DPYD: variants seen among roughly 807,000 people sequenced by gnomAD.
DPYD encodes dihydropyrimidine dehydrogenase, also known as dihydropyrimidine dehydrogenase [NADP(+)].
In DPYD, 109 loss-of-function variants were observed where a neutral mutation model predicts 116.2. That is an observed-to-expected ratio of 0.94 (90% CI 0.80 to 1.10). The LOEUF is 1.10. Among genes scored for constraint, DPYD ranks in the 50% least tolerant of loss-of-function variants. The pLI is 0.00. For missense variants in DPYD, 1,302 were observed against 1,254.5 expected, an observed-to-expected ratio of 1.04 and a Z score of -0.57; for synonymous variants, 440 against 432.0, an observed-to-expected ratio of 1.02 and a Z score of -0.23.
chr1:97,574,278 AT>A (rs1653118579), intron 10 of DPYD, among the ~76,000 whole-genome samples: 1 of 152,076 alleles, frequency 6.6e-6, no homozygotes, highest in South Asian at 2.1e-4. Context: ...GTAGCCTATT[AT>A]TTTTATGTTT....
intron 12 of DPYD, among the ~76,000 whole-genome samples, chr1:97,524,415 CTT>C (rs1648904757): frequency 6.6e-6 from 1 of 152,090 alleles, no homozygotes; most frequent in African/African-American, 2.4e-5. Flanking sequence ...AATTCCATGA[CTT>C]TGTGATTATT....
At chr1:97,106,979 A>C (rs1210166815) in intron 20 of DPYD, among the ~76,000 whole-genome samples, 1 of 152,100 alleles carries the variant, frequency 6.6e-6, no homozygotes, top group Non-Finnish European at 1.5e-5. Flanking sequence ...TAATATGTTA[A>C]ATTGGCTCTG....
At chr1:97,528,522 C>G (rs1649323659) in intron 12 of DPYD, among the ~76,000 whole-genome samples, 1 of 152,108 alleles carries the variant, frequency 6.6e-6, no homozygotes. Flanking sequence ...CTTTCTCCAT[C>G]TAAACTCTAC....
intron 18 of DPYD, chr1:97,295,407 C>G (rs936230679): frequency 6.6e-6 from 1 of 151,664 alleles, no homozygotes; most frequent in African/African-American, 2.4e-5. Flanking sequence ...CACATATTAA[C>G]TTAAATACTG....
intron 13 of DPYD, among the ~76,000 whole-genome samples, chr1:97,500,760 G>GA (rs1240681535): frequency 6.6e-6 from 1 of 151,996 alleles, no homozygotes; most frequent in South Asian, 2.1e-4. Flanking sequence ...CTGCAGAACT[G>GA]AAACAAAACC....
intron 3 of DPYD, among the ~76,000 whole-genome samples, chr1:97,765,294 T>C (rs1478665444): frequency 6.6e-6 from 1 of 152,230 alleles, no homozygotes; most frequent in Non-Finnish European, 1.5e-5. Context: ...TCTAATCCAT[T>C]TATCAACAAA....
intron 3 of DPYD, among the ~76,000 whole-genome samples, chr1:97,752,410 T>C (rs992377407): frequency 2.6e-5 from 4 of 152,014 alleles, no homozygotes; most frequent in Non-Finnish European, 4.4e-5. Context: ...TTACGCCAAG[T>C]GAAAGGATAA....
At chr1:97,432,391 C>T (rs1445304886) in intron 14 of DPYD, among the ~76,000 whole-genome samples, 1 of 152,106 alleles carries the variant, frequency 6.6e-6, no homozygotes, top group Non-Finnish European at 1.5e-5. Flanking sequence ...ATGAATTCTT[C>T]ATTTCTCATA....
At chr1:97,631,627 A>C (rs1365700600) in intron 8 of DPYD, among the ~76,000 whole-genome samples, 1 of 152,110 alleles carries the variant, frequency 6.6e-6, no homozygotes. Context: ...TCATATATAA[A>C]AATATATATG....
At chr1:97,130,208 T>A (rs1340057217) in intron 20 of DPYD, among the ~76,000 whole-genome samples, 1 of 152,204 alleles carries the variant, frequency 6.6e-6, no homozygotes, top group Non-Finnish European at 1.5e-5. Flanking sequence ...TCTTTAGAGA[T>A]CTGGTTAGCT....
intron 10 of DPYD, among the ~76,000 whole-genome samples, chr1:97,581,358 G>A (rs936909627): frequency 6.9e-5 from 9 of 130,104 alleles, no homozygotes; most frequent in African/African-American, 2.5e-4. Context: ...AAAAAAAATT[G>A]GCCAAGTTAG....
intron 2 of DPYD, among the ~76,000 whole-genome samples, chr1:97,876,872 C>T (rs1358595025): frequency 6.6e-6 from 1 of 151,914 alleles, no homozygotes; most frequent in Non-Finnish European, 1.5e-5. Flanking sequence ...TTAAAAGTAA[C>T]TTTTTTCCTC....
At chr1:97,714,650 A>G (rs894212752) in intron 5 of DPYD, among the ~76,000 whole-genome samples, 1 of 149,326 alleles carries the variant, frequency 6.7e-6, no homozygotes, top group Non-Finnish European at 1.5e-5. Context: ...TTAAAAAAGA[A>G]AAGACAAAAA....
At chr1:97,799,376 A>G (rs1037353590) in intron 3 of DPYD, among the ~76,000 whole-genome samples, 1 of 152,012 alleles carries the variant, frequency 6.6e-6, no homozygotes, top group African/African-American at 2.4e-5. Flanking sequence ...TGTATGATCA[A>G]TCAGCAAGTT....
rs565268637 is a variant in DPYD, at chr1:97,816,228, A to G, written c.233+11886T>C. 4.0e-5 allele frequency among the ~76,000 whole-genome samples: 6 copies of G among 151,690 alleles called. No homozygotes were observed. In the South Asian group the frequency reaches 1.0e-3, roughly 26 times the overall value. The stretch of plus-strand genomic sequence containing the variant: ...AGCTGGGACTACAGGTGCCAAACAC[A>G]TTTTTTAAATGGAGCTTAGAATATC... On this transcript the variant is annotated intron_variant, in intron 3 of 22. Coordinates refer to ENST00000370192, the MANE Select transcript of DPYD (RefSeq NM_000110.4).
At chr1:97,124,592 T>A (rs1652692546) in intron 20 of DPYD, among the ~76,000 whole-genome samples, 1 of 152,150 alleles carries the variant, frequency 6.6e-6, no homozygotes. Context: ...TGAAAGAATA[T>A]AGACTCCATT....
At chr1:97,766,610 A>G (rs1036861266) in intron 3 of DPYD, among the ~76,000 whole-genome samples, 2 of 152,208 alleles carry the variant, frequency 1.3e-5, no homozygotes, top group Admixed American at 6.5e-5. Context: ...GTGGTGCCCA[A>G]CAGGGGAAAG....
chr1:97,855,190 A>AG (rs1310004684), intron 2 of DPYD: 1 of 152,328 alleles, frequency 6.6e-6, no homozygotes, highest in African/African-American at 2.4e-5. Flanking sequence ...TCATAGTGGT[A>AG]GGCAGGCTTC....
At chr1:97,221,477 T>C (rs1660765532) in intron 19 of DPYD, among the ~76,000 whole-genome samples, 2 of 152,034 alleles carry the variant, frequency 1.3e-5, no homozygotes, top group African/African-American at 2.4e-5. Flanking sequence ...TTATATAAAT[T>C]AACATATGGA....
Sources: gnomAD v4.1 joint callset for allele counts (sites outside exome capture counted in the v4.1 genomes callset) on GRCh38, gnomAD v4.1.1 for gene constraint, MANE v1.5 for transcripts, NCBI Gene and HGNC (gene_info 2026-07-23, HGNC 2026-07-21) for gene names.